Variants in ASIP observed in about 807,000 individuals in gnomAD.
The protein encoded by ASIP is agouti signaling protein.
In ASIP, 11 loss-of-function variants were observed where a neutral mutation model predicts 10.3. The observed-to-expected ratio is 1.07, with a 90% CI of 0.68 to 1.78. The LOEUF is 1.78. ASIP is among the 40% of genes most tolerant of loss of function. ASIP has a pLI of 0.00. For synonymous variants in ASIP, 70 were observed against 70.8 expected, an observed-to-expected ratio of 0.99 and a Z score of 0.06; for missense variants, 180 against 169.2, an observed-to-expected ratio of 1.06 and a Z score of -0.35.
intron 1 of ASIP, among the ~76,000 whole-genome samples, chr20:34,216,100 G>C (rs1458415378): frequency 1.3e-5 from 2 of 152,250 alleles, no homozygotes; most frequent in Non-Finnish European, 2.9e-5. Context: ...TGCCACGACC[G>C]CAGCGCCAAC....
chr20:34,206,152 C>G (rs1485626805), intron 1 of ASIP, among the ~76,000 whole-genome samples: 7 of 152,126 alleles, frequency 4.6e-5, no homozygotes, highest in Middle Eastern at 3.4e-3. Flanking sequence ...GCCTCTATAC[C>G]AAGATAATTT....
chr20:34,191,140 A>G (rs2034822381), upstream of ASIP, among the ~76,000 whole-genome samples: 4 of 152,214 alleles, frequency 2.6e-5, no homozygotes, highest in Admixed American at 2.6e-4. Context: ...TTAAACAGGT[A>G]TTACTTTGTT....
At chr20:34,245,296 T>C (rs2035353002) in intron 1 of ASIP, among the ~76,000 whole-genome samples, 1 of 140,546 alleles carries the variant, frequency 7.1e-6, no homozygotes, top group Non-Finnish European at 1.5e-5. Flanking sequence ...ATCATGCCAT[T>C]GCACTCGAGC....
chr20:34,230,779 C>T lies in ASIP; in HGVS notation c.-10-29586C>T, dbSNP rs1272507388. On this transcript the variant is annotated intron_variant, in intron 1 of 3. Coordinates refer to the ASIP transcript ENST00000568305. ...CTGGCCTGGCCGGGGCTGACCCCCC[C>T]GCACCTCCCTCCCGGACGGGGTGGC... 9.5e-5 allele frequency among the ~76,000 whole-genome samples: 4 copies of T among 42,266 alleles called. 2 individuals carry two copies. Among genetic ancestry groups the T allele is most frequent in the African/African-American group, 7.5e-4 (4 of 5,336 alleles). 27.7% of individuals were successfully genotyped at this position (42,266 alleles called of 152,430 possible).
intron 1 of ASIP, among the ~76,000 whole-genome samples, chr20:34,216,427 C>CA (rs890192742): frequency 6.6e-6 from 1 of 152,038 alleles, no homozygotes; most frequent in African/African-American, 2.4e-5. Flanking sequence ...TTATGATAAG[C>CA]AAAAAAATAA....
chr20:34,237,986 A>G (rs819178), upstream of ASIP, among the ~76,000 whole-genome samples: 18,536 of 152,150 alleles, frequency 0.12, 1,251 homozygotes, highest in East Asian at 0.32. Context: ...TCTGGCCTCC[A>G]AAGTTTCTGA....
At chr20:34,234,036 CAG>C (rs1333270128) in intron 1 of ASIP, among the ~76,000 whole-genome samples, 1 of 152,218 alleles carries the variant, frequency 6.6e-6, no homozygotes, top group African/African-American at 2.4e-5. Context: ...TTCAGAAACA[CAG>C]AGTCCCTTAC....
At chr20:34,236,756 G>A (rs765931003), upstream of ASIP, among the ~76,000 whole-genome samples, 33 of 152,174 alleles carry the variant, frequency 2.2e-4, no homozygotes, top group Non-Finnish European at 2.5e-4. Context: ...TACGAAGGCA[G>A]CTGAAGAATT....
chr20:34,222,515 G>A (rs1170370663), intron 1 of ASIP, among the ~76,000 whole-genome samples: 1 of 152,156 alleles, frequency 6.6e-6, no homozygotes, highest in Non-Finnish European at 1.5e-5. Flanking sequence ...AGAGAAACTT[G>A]TAAAATATAT....
intron 1 of ASIP, among the ~76,000 whole-genome samples, chr20:34,234,288 T>G (rs2035149057): frequency 6.6e-6 from 1 of 152,190 alleles, no homozygotes; most frequent in Admixed American, 6.5e-5. Flanking sequence ...TGTAATCTTC[T>G]AAGTAGCAGA....
At chr20:34,253,792 G>C (rs183281297) in intron 1 of ASIP, among the ~76,000 whole-genome samples, 73 of 152,190 alleles carry the variant, frequency 4.8e-4, no homozygotes, top group African/African-American at 1.8e-3. Context: ...TGAGACCTAG[G>C]TGGACCTAGG....
chr20:34,267,843 T>TAA (rs3216535), intron 3 of ASIP, among the ~76,000 whole-genome samples: 79 of 147,714 alleles, frequency 5.3e-4, no homozygotes, highest in East Asian at 1.2e-3. Context: ...TAACCATATT[T>TAA]AAAAAAAAAA....
chr20:34,253,616 C>T (rs1601603565), intron 1 of ASIP, among the ~76,000 whole-genome samples: 1 of 152,042 alleles, frequency 6.6e-6, no homozygotes, highest in Non-Finnish European at 1.5e-5. Context: ...GGATTATAGG[C>T]ATGCACCACC....
At chr20:34,210,700 G>A (rs980257991) in intron 1 of ASIP, among the ~76,000 whole-genome samples, 5 of 152,184 alleles carry the variant, frequency 3.3e-5, no homozygotes, top group South Asian at 2.1e-4. Context: ...GTGACACCCC[G>A]AGGATCCTGC....
rs201828635 is a variant in ASIP at position 34,258,777 on chromosome 20, T to G, written c.-10-1588T>G. Among the ~76,000 whole-genome samples the G allele has an allele frequency of 4.9e-4, 50 of 102,012 alleles. 1 individual carries two copies. In the East Asian group the frequency reaches 0.014, roughly 29 times the overall value. The allele number at this position is 102,012 out of a possible 152,430, so 66.9% of individuals were successfully genotyped here. On this transcript the variant is annotated intron_variant, in intron 1 of 3. Coordinates refer to ENST00000374954, the MANE Select transcript of ASIP (RefSeq NM_001672.3). ...TAATATATGATATATATAATATATA[T>G]AGTATATATATAGTGTATATATAAT...
intron 3 of ASIP, among the ~76,000 whole-genome samples, chr20:34,268,172 C>T (rs2035820450): frequency 6.6e-6 from 1 of 152,160 alleles, no homozygotes; most frequent in Admixed American, 6.5e-5. Flanking sequence ...TTCACGTACT[C>T]AGTAGCCACA....
chr20:34,262,788 TC>T, intron 2 of ASIP, 43 bp from the exon 3 acceptor site: 1 of 1,610,710 alleles, frequency 6.2e-7, no homozygotes, highest in Non-Finnish European at 8.5e-7. Context: ...CAGCTCAACG[TC>T]CCCAGAAACA....
intron 1 of ASIP, chr20:34,215,088 A>C: frequency 6.4e-7 from 1 of 1,564,230 alleles, no homozygotes; most frequent in Non-Finnish European, 8.8e-7. Flanking sequence ...GTAATACTTG[A>C]CACAAAGATT....
rs78352957 is a variant in ASIP at position 34,241,665 on chromosome 20, C to A, written c.-11+176C>A. On this transcript the variant is annotated intron_variant, in intron 1 of 3. Transcript: ENST00000374954. Reference sequence around the variant, plus strand: ...GTTCAGTGTGAAGAAAGCAGTTGATCTTTTGCTAACTAGTGGCTTCTTTCT... The same window carrying A: ...GTTCAGTGTGAAGAAAGCAGTTGATATTTTGCTAACTAGTGGCTTCTTTCT... Among the ~76,000 whole-genome samples the A allele has an allele frequency of 8.5e-5, 13 of 152,306 alleles. No individual in the cohort carries two copies. In the East Asian group the frequency reaches 2.5e-3, roughly 29 times the overall value.
Sources: allele counts gnomAD v4.1 joint callset (sites outside exome capture counted in the v4.1 genomes callset), GRCh38; gene constraint gnomAD v4.1.1; transcripts MANE v1.5; gene names NCBI Gene and HGNC (gene_info 2026-07-23, HGNC 2026-07-21).